The following LRRC71 variants were observed in gnomAD, a reference collection of about 807,000 sequenced individuals.
LRRC71 encodes the protein leucine-rich repeat-containing protein 71.
LRRC71 carries 54 observed loss-of-function variants against 66.6 expected under a neutral mutation model. The ratio of observed to expected loss-of-function variants is 0.81; its 90% CI spans 0.65 to 1.02. LRRC71 has a LOEUF of 1.02. Ranked by LOEUF, LRRC71 falls within the 50% of genes least tolerant of loss-of-function variation. The pLI is 0.00. For missense variants in LRRC71, 724 were observed against 718.0 expected, an observed-to-expected ratio of 1.01 and a Z score of -0.10; for synonymous variants, 323 against 303.9, an observed-to-expected ratio of 1.06 and a Z score of -0.65.
At chr1:156,936,254 T>C, downstream of LRRC71, 1 of 764,036 alleles carries the variant, frequency 1.3e-6, no homozygotes, top group Non-Finnish European at 2.4e-6. Context: ...AGCCCTTAGG[T>C]CAGGTAGGTA....
intron 10 of LRRC71, 42 bp from the exon 11 acceptor site, chr1:156,929,593 TC>T (rs1653964010): frequency 1.3e-6 from 2 of 1,552,704 alleles, no homozygotes; most frequent in African/African-American, 2.7e-5. Flanking sequence ...GCCCATCCCC[TC>T]CGGAGGTGGG....
chr1:156,937,441 G>C, downstream of LRRC71: 1 of 1,568,010 alleles, frequency 6.4e-7, no homozygotes, highest in Non-Finnish European at 8.6e-7. Flanking sequence ...GTGCCTCTGA[G>C]TGGTCGGTGC....
At chr1:156,929,177 T>G in intron 9 of LRRC71, 103 bp from the exon 10 acceptor site, 1 of 1,389,188 alleles carries the variant, frequency 7.2e-7, no homozygotes, top group Non-Finnish European at 9.7e-7. Flanking sequence ...GAGGGTGCTG[T>G]CAGCTCGACT....
chr1:156,926,351 G>A, intron 5 of LRRC71, among the ~76,000 whole-genome samples: 1 of 152,182 alleles, frequency 6.6e-6, no homozygotes, highest in East Asian at 1.9e-4. Flanking sequence ...CAACTGTGGT[G>A]GAGAATCTGC....
intron 6 of LRRC71, 28 bp from the exon 7 acceptor site, chr1:156,927,468 A>AC: frequency 6.6e-7 from 1 of 1,519,190 alleles, no homozygotes. Flanking sequence ...TTTTCCAGCG[A>AC]CCCACATTCT....
intron 1 of LRRC71, 118 bp downstream of exon 1, chr1:156,921,081 T>A: frequency 8.3e-7 from 1 of 1,204,146 alleles, no homozygotes; most frequent in Non-Finnish European, 1.1e-6. Context: ...GTTGAGTTCC[T>A]GAATCTCGGC....
At chr1:156,936,971 G>A (rs770844615), downstream of LRRC71, 4 of 1,614,136 alleles carry the variant, frequency 2.5e-6, no homozygotes, top group East Asian at 8.9e-5. Context: ...TCCCCCAAGG[G>A]ACTTGAGCAG....
rs1338942912 is a variant in LRRC71 at position 156,932,692 on chromosome 1, C to T, written c.1563+147C>T. On this transcript the variant is annotated intron_variant, in intron 14 of 14. Coordinates refer to ENST00000337428, the MANE Select transcript of LRRC71 (RefSeq NM_144702.3). ...TTCTTTTTAATAATCACAACATAACCTCCATTCCTCTTGCTGGAAAATCAG... is the reference window on the plus strand; with the variant it reads ...TTCTTTTTAATAATCACAACATAACTTCCATTCCTCTTGCTGGAAAATCAG... 6 of 1,567,112 alleles carry T rather than the reference C, an allele frequency of 3.8e-6. No homozygotes were observed. The South Asian group carries it at 6.7e-5, about 18-fold the overall frequency.
chr1:156,928,613 T>C (rs113768273), intron 9 of LRRC71, among the ~76,000 whole-genome samples: 18 of 139,584 alleles, frequency 1.3e-4, no homozygotes, highest in African/African-American at 4.8e-4. Context: ...CTCTGTTACC[T>C]GGGCTGGAGA....
downstream of LRRC71, among the ~76,000 whole-genome samples, chr1:156,933,410 A>G (rs1291690527): frequency 6.6e-6 from 1 of 152,224 alleles, no homozygotes; most frequent in African/African-American, 2.4e-5. Flanking sequence ...TGGGAGCAGG[A>G]GTAGGTGAAG....
chr1:156,924,061 C>CAGG lies in LRRC71; in HGVS notation c.273_274insAGG (p.Phe91_Val92insArg). The stretch of plus-strand genomic sequence containing the variant: ...ACCGGCCCCGCCCCCACCCGCCCTT[C>CAGG]GTCCCCTCCGCCTCTTTGTCGGAAA... On this transcript the variant is annotated inframe_insertion, in exon 2 of 15. Transcript: ENST00000337428. 1 of 1,464,728 alleles carries CAGG rather than the reference C, an allele frequency of 6.8e-7. No individual in the cohort carries two copies. The highest frequency in any genetic ancestry group is 9.3e-7 in the Non-Finnish European group (1 of 1,075,208). The allele number at this position is 1,464,728 out of a possible 1,614,324, so 90.7% of individuals were successfully genotyped here.
At chr1:156,924,883 TC>T in intron 4 of LRRC71, 54 bp from the exon 5 acceptor site, 1 of 1,543,862 alleles carries the variant, frequency 6.5e-7, no homozygotes, top group Non-Finnish European at 8.8e-7. Flanking sequence ...GGGAGGGTTT[TC>T]CAGTAGGAGG....
chr1:156,924,609 AGGTC>A (rs960843549), intron 3 of LRRC71, 30 bp from the exon 4 acceptor site: 1 of 1,278,492 alleles, frequency 7.8e-7, no homozygotes, highest in African/African-American at 1.6e-5. Flanking sequence ...GGAGCCTCCC[AGGTC>A]TGAGGCACCT....
downstream of LRRC71, chr1:156,936,832 C>CG (rs3831268): frequency 3.2e-5 from 52 of 1,613,882 alleles, 1 homozygote; most frequent in East Asian, 1.1e-3. Context: ...CAGGGCAGGG[C>CG]CCCAGTTCAT....
In LRRC71 at chr1:156,929,499, G is replaced by A. The variant is rs552282235; in HGVS notation, c.1146+70G>A. ...GAGGGGGCTTCCATCATGTACAGAG[G>A]TGGTGGAGGGAAGAAGGCCACATGG... On this transcript the variant is annotated intron_variant, in intron 10 of 14. Transcript: ENST00000337428. The A allele has an allele frequency of 3.7e-5, 59 of 1,598,266 alleles. No individual in the cohort carries two copies. In the East Asian group the frequency reaches 1.3e-3, roughly 35 times the overall value.
chr1:156,930,558 A>T lies in LRRC71; in HGVS notation c.1270A>T (p.Arg424Trp). The T allele has an allele frequency of 6.4e-7, 1 of 1,568,520 alleles. No homozygotes were observed. Among genetic ancestry groups the T allele is most frequent in the Non-Finnish European group, 8.6e-7 (1 of 1,156,600 alleles). ...AACCATCCCTGAACAGAAGCCAAGC[A>T]GGGCAAAAGGGATCAAGATCGGGAG... ...KVTIPEQKPS[R>W]AKGIKIGSRE... Residue 424 changes from arginine to tryptophan, a missense_variant, in exon 12 of 15, where the codon AGG (arginine) becomes TGG (tryptophan). Arg to Trp is a moderately radical substitution (Grantham distance 101). Transcript: ENST00000337428.
At position 156,928,404 on chromosome 1, in the gene LRRC71, C is replaced by CTTCTTCTTCTTCTTCTTCCTCTTA. The variant is rs1489149621; in HGVS notation, c.996+403_996+404insTTCTTCTTCTTCTTCCTCTTATTC. Among the ~76,000 whole-genome samples the CTTCTTCTTCTTCTTCTTCCTCTTA allele has an allele frequency of 1.2e-3, 166 of 133,468 alleles. 3 individuals are homozygous for CTTCTTCTTCTTCTTCTTCCTCTTA. The highest frequency in any genetic ancestry group is 5.5e-3 in the African/African-American group (159 of 29,078). 87.6% of individuals were successfully genotyped at this position (133,468 alleles called of 152,430 possible). A position where few individuals can be genotyped will look rare whatever the true frequency, so the allele number is the denominator to read the frequency against. ...TCTTCTTCTTCTTCTTCTTCTTCTTCTTCCTCTTATTCCTCCTCCTCCTCT... is the reference window on the plus strand; with the variant it reads ...TCTTCTTCTTCTTCTTCTTCTTCTTCTTCTTCTTCTTCTTCTTCCTCTTATTCCTCTTATTCCTCCTCCTCCTCT... On this transcript the variant is annotated intron_variant, in intron 9 of 14. Transcript: ENST00000337428.
At chr1:156,925,438 A>G (rs533400673) in intron 5 of LRRC71, among the ~76,000 whole-genome samples, 14 of 152,308 alleles carry the variant, frequency 9.2e-5, no homozygotes, top group African/African-American at 3.1e-4. Flanking sequence ...GGCAATGTGG[A>G]GACTGGTGAT....
intron 10 of LRRC71, 45 bp downstream of exon 10, chr1:156,929,474 G>A: frequency 1.9e-6 from 3 of 1,612,096 alleles, no homozygotes; most frequent in African/African-American, 1.3e-5. Flanking sequence ...ACGGACAGGG[G>A]AGGGGGCTTC....
Sources: allele counts gnomAD v4.1 joint callset (sites outside exome capture counted in the v4.1 genomes callset), GRCh38; gene constraint gnomAD v4.1.1; transcripts MANE v1.5; gene names NCBI Gene and HGNC (gene_info 2026-07-23, HGNC 2026-07-21).